LYSET: variants seen among roughly 807,000 people sequenced by gnomAD.
The protein encoded by LYSET is lysosomal enzyme trafficking factor, also known as GNPTAB cleavage and activity factor.
chr14:93,186,398 C>T, the LYSET span: 1 of 1,614,234 alleles, frequency 6.2e-7, no homozygotes. Context: ...CCTTGGAACA[C>T]ATTCAACAGC....
the LYSET span, chr14:93,186,794 CAT>C: frequency 2.6e-3 from 2,762 of 1,061,414 alleles, 43 homozygotes; most frequent in African/African-American, 0.033. Context: ...TTTTTAAAAA[CAT>C]GTGATTAGGG....
chr14:93,186,227 G>C, the LYSET span: 2 of 1,570,564 alleles, frequency 1.3e-6, no homozygotes, highest in Admixed American at 3.5e-5. Context: ...AGCATTACTA[G>C]ACCCTAATTG....
the LYSET span, among the ~76,000 whole-genome samples, chr14:93,187,409 C>T: frequency 6.6e-6 from 1 of 152,032 alleles, no homozygotes; most frequent in Non-Finnish European, 1.5e-5. Context: ...CAGGTGTGAG[C>T]TACCATGCCC....
chr14:93,185,249 CG>C, the LYSET span: 6 of 532,780 alleles, frequency 1.1e-5, no homozygotes, highest in South Asian at 1.6e-4. Context: ...GTTCTCAGAG[CG>C]GGTCTCCGGC....
At chr14:93,186,295 G>T in the LYSET span, 3 of 1,613,774 alleles carry the variant, frequency 1.9e-6, no homozygotes, top group Non-Finnish European at 2.5e-6. Context: ...TTCCGTCAGC[G>T]GATGGGATGG....
the LYSET span, chr14:93,186,280 T>C: frequency 6.2e-7 from 1 of 1,613,948 alleles, no homozygotes; most frequent in Non-Finnish European, 8.5e-7. Context: ...TGGAGAATGA[T>C]GAACTTCCGT....
At chr14:93,185,521 C>A in the LYSET span, 11 of 1,570,588 alleles carry the variant, frequency 7.0e-6, no homozygotes, top group South Asian at 1.2e-4. Flanking sequence ...AACTTGGGGG[C>A]TTGACTTGTA....
chr14:93,185,618 T>A, the LYSET span: 1 of 724,544 alleles, frequency 1.4e-6, no homozygotes, highest in Middle Eastern at 2.9e-4. Flanking sequence ...GAAACTAGTT[T>A]AATTCCAGTT....
the LYSET span, chr14:93,185,336 G>A: frequency 6.7e-7 from 1 of 1,488,846 alleles, no homozygotes; most frequent in Non-Finnish European, 9.3e-7. Flanking sequence ...TGGTGCTCCA[G>A]GCTGGCGGCG....
chr14:93,186,583 C>T, the LYSET span: 38 of 1,614,104 alleles, frequency 2.4e-5, no homozygotes, highest in Non-Finnish European at 4.2e-6. Context: ...TGTATCATCC[C>T]TATATGCTTG....
At chr14:93,186,656 A>G in the LYSET span, 19 of 1,596,048 alleles carry the variant, frequency 1.2e-5, no homozygotes, top group Non-Finnish European at 1.6e-5. Context: ...GCAGACTACA[A>G]CTGATTGACA....
the LYSET span, among the ~76,000 whole-genome samples, chr14:93,185,702 C>T: frequency 6.6e-6 from 1 of 152,204 alleles, no homozygotes; most frequent in East Asian, 1.9e-4. Flanking sequence ...CGTTAAAAAG[C>T]AGAACTCAGT....
chr14:93,185,064 G>C, the LYSET span: 1 of 150,572 alleles, frequency 6.6e-6, no homozygotes, highest in Non-Finnish European at 1.5e-5. Flanking sequence ...TTGCAAGCAG[G>C]CTCCGCCGGC....
chr14:93,185,527 T>C, the LYSET span: 1 of 1,523,452 alleles, frequency 6.6e-7, no homozygotes, highest in Admixed American at 1.7e-5. Context: ...GGGGCTTGAC[T>C]TGTAGCACCC....
the LYSET span, among the ~76,000 whole-genome samples, chr14:93,188,030 C>T: frequency 6.6e-6 from 1 of 151,866 alleles, no homozygotes; most frequent in Non-Finnish European, 1.5e-5. Context: ...GCGATCTCAG[C>T]TCACTGCAAC....
At chr14:93,186,696 G>C in the LYSET span, 1 of 1,562,386 alleles carries the variant, frequency 6.4e-7, no homozygotes, top group Non-Finnish European at 8.6e-7. Flanking sequence ...TTTTCCCTAC[G>C]ATTACAAAAC....
At chr14:93,187,413 C>G in the LYSET span, among the ~76,000 whole-genome samples, 1 of 152,054 alleles carries the variant, frequency 6.6e-6, no homozygotes, top group Non-Finnish European at 1.5e-5. Flanking sequence ...TGTGAGCTAC[C>G]ATGCCCAGCT....
At chr14:93,185,212 G>A in the LYSET span, 1 of 325,928 alleles carries the variant, frequency 3.1e-6, no homozygotes, top group South Asian at 8.5e-5. Context: ...AGGCCCAAGT[G>A]GCGGGGACGC....
At chr14:93,186,470 C>T in the LYSET span, 3 of 1,614,218 alleles carry the variant, frequency 1.9e-6, no homozygotes, top group African/African-American at 2.7e-5. Flanking sequence ...AATTACTCTC[C>T]TTGCCTTTTT....
Sources: allele counts gnomAD v4.1 joint callset (sites outside exome capture counted in the v4.1 genomes callset), GRCh38; gene constraint gnomAD v4.1.1; transcripts MANE v1.5; gene names NCBI Gene and HGNC (gene_info 2026-07-23, HGNC 2026-07-21).